The following NEBL variants were observed in gnomAD, a reference collection of about 807,000 sequenced individuals.
NEBL encodes the protein nebulette.
Under a neutral mutation model 140.2 loss-of-function variants are expected in NEBL, and 122 were observed. The ratio of observed to expected loss-of-function variants is 0.87; its 90% CI spans 0.75 to 1.01. The LOEUF (loss-of-function observed/expected upper bound fraction) is 1.01. NEBL is among the 50% of genes least tolerant of loss of function. The pLI, the probability that NEBL is intolerant of heterozygous loss-of-function variation, is 0.00. For synonymous variants in NEBL, 436 were observed against 398.9 expected (o/e 1.09, Z -1.11); for missense variants, 1,365 against 1,231.3 (o/e 1.11, Z -1.62).
rs141531477 is a variant in NEBL at position 21,091,186 on chromosome 10, G to A, written c.165-70985C>T. ...CCTTTGACTGCAGTCAAGAAAACAA[G>A]TTCGTGTTTCACATTTAGCTAAGAA... On this transcript the variant is annotated intron_variant, in intron 2 of 6. Coordinates refer to the NEBL transcript ENST00000417816. Among the ~76,000 whole-genome samples the A allele has an allele frequency of 2.0e-5, 3 of 152,254 alleles. No homozygotes were observed. In the East Asian group the frequency reaches 5.8e-4, roughly 29 times the overall value.
At chr10:21,050,944 TC>T (rs557722238) in intron 2 of NEBL, among the ~76,000 whole-genome samples, 72 of 152,320 alleles carry the variant, frequency 4.7e-4, no homozygotes, top group African/African-American at 1.7e-3. Flanking sequence ...CTGACTTTCA[TC>T]CTTTTGCCTA....
chr10:21,182,378 C>A (rs547893725), intron 3 of NEBL, among the ~76,000 whole-genome samples: 1 of 151,890 alleles, frequency 6.6e-6, no homozygotes, highest in Non-Finnish European at 1.5e-5. Flanking sequence ...CAGGAGGCTA[C>A]GGAAGGAGGA....
At chr10:20,860,335 G>A (rs183076565) in intron 7 of NEBL, among the ~76,000 whole-genome samples, 2 of 151,862 alleles carry the variant, frequency 1.3e-5, no homozygotes, top group East Asian at 3.9e-4. Flanking sequence ...AATGTCCTGG[G>A]TCAACTTAAT....
At chr10:20,859,122 A>C (rs1295107806) in intron 8 of NEBL, among the ~76,000 whole-genome samples, 1 of 152,132 alleles carries the variant, frequency 6.6e-6, no homozygotes, top group Non-Finnish European at 1.5e-5. Context: ...AACTATAGCA[A>C]AGTAATCAAT....
Position 20,853,075 on chromosome 10 carries a change from A to C in NEBL, c.904-426T>G, listed in dbSNP as rs190627577. 3.3e-5 allele frequency among the ~76,000 whole-genome samples: 5 copies of C among 152,328 alleles called. No homozygotes were observed. In the East Asian group the frequency reaches 9.6e-4, roughly 29 times the overall value. On this transcript the variant is annotated intron_variant, in intron 9 of 27. Coordinates refer to ENST00000377122, the MANE Select transcript of NEBL (RefSeq NM_006393.3). ...AAAGAAAAGCAAAAAGAACAGAGGA[A>C]AAGAAACCCAGAGGCAAGGAATAAA...
chr10:21,038,954 A>G (rs1189230878), intron 2 of NEBL, among the ~76,000 whole-genome samples: 1 of 151,986 alleles, frequency 6.6e-6, no homozygotes, highest in Non-Finnish European at 1.5e-5. Flanking sequence ...GCATTTCTCT[A>G]ATGACCAGCG....
At chr10:21,194,671 C>T (rs1841621870) in intron 3 of NEBL, among the ~76,000 whole-genome samples, 1 of 152,088 alleles carries the variant, frequency 6.6e-6, no homozygotes, top group African/African-American at 2.4e-5. Context: ...AGTCCTATAC[C>T]CGTACTTTGA....
chr10:21,211,308 G>C (rs924288387), intron 3 of NEBL, among the ~76,000 whole-genome samples: 1 of 140,438 alleles, frequency 7.1e-6, no homozygotes, highest in African/African-American at 3.2e-5. Flanking sequence ...GGAAGACCGC[G>C]TTTCTACAAA....
At chr10:21,268,577 G>A (rs1020924592) in intron 1 of NEBL, among the ~76,000 whole-genome samples, 1 of 150,872 alleles carries the variant, frequency 6.6e-6, no homozygotes, top group African/African-American at 2.4e-5. Flanking sequence ...AGGCTGGAGT[G>A]CAGTGGTGTG....
At chr10:21,145,014 C>T (rs1014991290) in intron 2 of NEBL, among the ~76,000 whole-genome samples, 3 of 149,098 alleles carry the variant, frequency 2.0e-5, no homozygotes, top group Non-Finnish European at 3.0e-5. Context: ...AAAAGGCTAA[C>T]CACAGAAGTA....
In NEBL at chr10:21,112,961, T is replaced by C. The variant is rs76585556; in HGVS notation, c.164+59422A>G. 10 of 343,610 alleles carry C rather than the reference T, an allele frequency of 2.9e-5. No individual in the cohort carries two copies. In the East Asian group the frequency reaches 7.1e-4, roughly 24 times the overall value. The allele number at this position is 343,610 out of a possible 1,614,324, so 21.3% of individuals were successfully genotyped here. A position where few individuals can be genotyped will look rare whatever the true frequency, so the allele number is the denominator to read the frequency against. ...TCTTAAGTGTAACTGGAAAGTGATC[T>C]GCCCCTGGAAGTGGTAACAAGTTTC... On this transcript the variant is annotated intron_variant, in intron 2 of 6. Transcript: ENST00000417816.
At chr10:21,043,415 C>A (rs7920119) in intron 2 of NEBL, among the ~76,000 whole-genome samples, 2,550 of 152,286 alleles carry the variant, frequency 0.017, 76 homozygotes, top group African/African-American at 0.058. Flanking sequence ...GCACAATAAA[C>A]AGGATAATTA....
rs192672180 is a variant in NEBL, at chr10:21,116,424, C to T, written c.164+55959G>A. Among the ~76,000 whole-genome samples the T allele has an allele frequency of 3.7e-3, 560 of 152,102 alleles. 1 individual carries two copies. Among genetic ancestry groups the T allele is most frequent in the African/African-American group, 0.013 (542 of 41,508 alleles). On this transcript the variant is annotated intron_variant, in intron 2 of 6. Transcript: ENST00000417816. ...TATTAATCTTATCATAAAGGCCCTA[C>T]TCTCATAACATCACCTGACACTAAT...
At chr10:20,992,240 A>G (rs201293038) in intron 3 of NEBL, among the ~76,000 whole-genome samples, 1 of 152,368 alleles carries the variant, frequency 6.6e-6, no homozygotes, top group East Asian at 1.9e-4. Flanking sequence ...TTTATGTTTT[A>G]TGACTATCTA....
chr10:21,125,225 TATACAC>T (rs1456855465), intron 2 of NEBL, among the ~76,000 whole-genome samples: 3 of 141,410 alleles, frequency 2.1e-5, no homozygotes, highest in South Asian at 2.1e-4. Context: ...CACACATGCA[TATACAC>T]ACACACACAC....
chr10:21,171,653 T>C (rs1262331724), intron 2 of NEBL: 2 of 152,884 alleles, frequency 1.3e-5, no homozygotes, highest in Non-Finnish European at 2.9e-5. Flanking sequence ...ATGATCAGTA[T>C]GCATAAAGTG....
chr10:20,897,983 C>T (rs1481497331), upstream of NEBL, among the ~76,000 whole-genome samples: 1 of 151,962 alleles, frequency 6.6e-6, no homozygotes, highest in Non-Finnish European at 1.5e-5. Flanking sequence ...ATTCTGGAAA[C>T]ATCGTTTCAA....
intron 11 of NEBL, among the ~76,000 whole-genome samples, chr10:20,848,044 C>A (rs1588780775): frequency 6.6e-6 from 1 of 152,236 alleles, no homozygotes; most frequent in East Asian, 1.9e-4. Context: ...ACCCACTAAG[C>A]AAAAGCACTA....
chr10:21,080,414 A>G (rs1481247910), intron 2 of NEBL, among the ~76,000 whole-genome samples: 1 of 152,218 alleles, frequency 6.6e-6, no homozygotes, highest in Non-Finnish European at 1.5e-5. Flanking sequence ...GGAACAGCTG[A>G]GTCATTTGGG....
Sources: allele counts gnomAD v4.1 joint callset (sites outside exome capture counted in the v4.1 genomes callset), GRCh38; gene constraint gnomAD v4.1.1; transcripts MANE v1.5; gene names NCBI Gene and HGNC (gene_info 2026-07-23, HGNC 2026-07-21).